Variants in VDR observed in about 807,000 individuals in gnomAD.
VDR encodes the protein vitamin D3 receptor.
Under a neutral mutation model 39.7 loss-of-function variants are expected in VDR, and 19 were observed. That is an observed-to-expected ratio of 0.48 (90% confidence interval 0.33 to 0.70). The LOEUF (loss-of-function observed/expected upper bound fraction) is 0.70. VDR is among the 30% of genes least tolerant of loss of function. VDR has a pLI of 0.02. For synonymous variants in VDR, 242 were observed against 215.8 expected (o/e 1.12, Z -1.07); for missense variants, 442 against 570.5 (o/e 0.77, Z 2.29).
chr12:47,848,921 C>T (rs1310360059), intron 7 of VDR, among the ~76,000 whole-genome samples: 1 of 152,184 alleles, frequency 6.6e-6, no homozygotes, highest in Non-Finnish European at 1.5e-5. Context: ...TCCTCTTAAT[C>T]ACCTTACTGT....
chr12:47,868,594 C>T (rs1945783506), intron 3 of VDR, among the ~76,000 whole-genome samples: 1 of 152,098 alleles, frequency 6.6e-6, no homozygotes, highest in Admixed American at 6.5e-5. Context: ...TACAATTATC[C>T]CCACAGGGAC....
intron 7 of VDR, among the ~76,000 whole-genome samples, chr12:47,850,859 G>GCCCCT (rs1180616242): frequency 6.6e-6 from 1 of 151,716 alleles, no homozygotes; most frequent in Non-Finnish European, 1.5e-5. Flanking sequence ...GCAGAGCCCG[G>GCCCCT]CCCCTCCCCT....
In VDR at chr12:47,859,840, CCCTTCCTTCCTTCCTTCCTTCCTTCTTT is replaced by C. The variant is rs1422606588; in HGVS notation, c.278-2180_278-2153del. On this transcript the variant is annotated intron_variant, in intron 4 of 9. Coordinates refer to ENST00000549336, the MANE Select transcript of VDR (RefSeq NM_000376.3). Reference sequence around the variant, plus strand: ...TTCTTTCTTTTCTCTCCCTTCCTTTCCCTTCCTTCCTTCCTTCCTTCCTTCTTTCCTTCCTTCCTTCCTTCCTTCCTTC... The same window carrying C: ...TTCTTTCTTTTCTCTCCCTTCCTTTCCCTTCCTTCCTTCCTTCCTTCCTTC... 4.4e-3 allele frequency among the ~76,000 whole-genome samples: 610 copies of C among 138,316 alleles called. 13 individuals carry two copies. The highest frequency in any genetic ancestry group is 9.9e-3 in the East Asian group (43 of 4,352). 90.7% of individuals were successfully genotyped at this position (138,316 alleles called of 152,430 possible).
At chr12:47,874,781 T>C (rs1223052604) in intron 3 of VDR, among the ~76,000 whole-genome samples, 3 of 152,204 alleles carry the variant, frequency 2.0e-5, no homozygotes, top group Non-Finnish European at 4.4e-5. Flanking sequence ...CTCTGTCCAT[T>C]ACACCTTTTC....
chr12:47,888,983 C>T (rs1191962426), intron 1 of VDR, among the ~76,000 whole-genome samples: 1 of 152,102 alleles, frequency 6.6e-6, no homozygotes, highest in Non-Finnish European at 1.5e-5. Context: ...TTGATCACTG[C>T]ACATTGTGTA....
chr12:47,882,627 C>CG, intron 2 of VDR, 67 bp downstream of exon 2: 15 of 562,046 alleles, frequency 2.7e-5, no homozygotes, highest in Non-Finnish European at 3.5e-5. Context: ...TCTTATGCCC[C>CG]TCCCCCCCAC....
chr12:47,888,665 T>C (rs1565633220), intron 1 of VDR, among the ~76,000 whole-genome samples: 1 of 152,126 alleles, frequency 6.6e-6, no homozygotes, highest in African/African-American at 2.4e-5. Flanking sequence ...ACTGGCCCAT[T>C]TAGAAGCTGC....
intron 3 of VDR, among the ~76,000 whole-genome samples, chr12:47,873,462 C>T (rs995814286): frequency 5.5e-5 from 8 of 144,618 alleles, no homozygotes; most frequent in Admixed American, 3.5e-4. Context: ...CTGGGGTTCA[C>T]GCCATTCTCC....
In VDR at chr12:47,846,333, A is replaced by C; in HGVS notation, c.1024+2T>G. On this transcript the variant is annotated splice_donor_variant, in intron 9 of 9. Coordinates refer to ENST00000549336, the MANE Select transcript of VDR (RefSeq NM_000376.3). LOFTEE classifies it high-confidence loss of function. Reference sequence around the variant, plus strand: ...TGAGCTCCTCCCTGCCTGGCCCCATACCTGGGGAGACGATGCAGATGGCCA... The same window carrying C: ...TGAGCTCCTCCCTGCCTGGCCCCATCCCTGGGGAGACGATGCAGATGGCCA... 1 of 1,605,784 alleles carries C rather than the reference A, an allele frequency of 6.2e-7. No homozygotes were observed. Among genetic ancestry groups the C allele is most frequent in the Non-Finnish European group, 8.5e-7 (1 of 1,177,148 alleles).
Position 47,844,628 on chromosome 12 carries a change from G to T in VDR, c.*118C>A. ...GGCTGGGTGGATAGGGGAGGTGGCAGAGGAGGGGCTGAACCCCAGACGGGG... is the reference window on the plus strand; with the variant it reads ...GGCTGGGTGGATAGGGGAGGTGGCATAGGAGGGGCTGAACCCCAGACGGGG... On this transcript the variant is annotated 3_prime_UTR_variant, in exon 10 of 10. Coordinates refer to ENST00000549336, the MANE Select transcript of VDR (RefSeq NM_000376.3). The T allele has an allele frequency of 7.1e-7, 1 of 1,413,098 alleles. No homozygotes were observed. The highest frequency in any genetic ancestry group is 9.8e-7 in the Non-Finnish European group (1 of 1,023,340). The allele number at this position is 1,413,098 out of a possible 1,614,324, so 87.5% of individuals were successfully genotyped here.
chr12:47,880,439 A>C (rs1420498617), intron 2 of VDR, among the ~76,000 whole-genome samples: 1 of 152,114 alleles, frequency 6.6e-6, no homozygotes, highest in East Asian at 1.9e-4. Flanking sequence ...CATCCCCTTT[A>C]CAAATGAGGC....
At chr12:47,874,812 G>A (rs1945967685) in intron 3 of VDR, among the ~76,000 whole-genome samples, 2 of 152,040 alleles carry the variant, frequency 1.3e-5, no homozygotes, top group South Asian at 4.1e-4. Flanking sequence ...GACTCCGGAC[G>A]AAGCCATCCA....
At chr12:47,855,253 G>A (rs991162031) in intron 7 of VDR, among the ~76,000 whole-genome samples, 2 of 151,876 alleles carry the variant, frequency 1.3e-5, no homozygotes, top group African/African-American at 4.8e-5. Context: ...ACTTGAACCC[G>A]GGAGGCGGAG....
rs11574051 is a variant in VDR, at chr12:47,878,505, T to C, written c.146+463A>G. Among the ~76,000 whole-genome samples the C allele has an allele frequency of 2.7e-3, 408 of 152,296 alleles. 1 individual carries two copies. Among genetic ancestry groups the C allele is most frequent in the African/African-American group, 9.1e-3 (380 of 41,574 alleles). ...TGGGTGAAGATATGGGTACAGATCG[T>C]GATGACCCGACAAGAGGTGCCATTT... On this transcript the variant is annotated intron_variant, in intron 3 of 9. Coordinates refer to ENST00000549336, the MANE Select transcript of VDR (RefSeq NM_000376.3).
chr12:47,896,522 A>G (rs1273108390), intron 1 of VDR: 1 of 152,240 alleles, frequency 6.6e-6, no homozygotes, highest in African/African-American at 2.4e-5. Flanking sequence ...AGCTCTCCCC[A>G]CAAGCCCTGC....
At chr12:47,887,644 G>A (rs538311066) in intron 1 of VDR, among the ~76,000 whole-genome samples, 1 of 152,362 alleles carries the variant, frequency 6.6e-6, no homozygotes, top group African/African-American at 2.4e-5. Context: ...GCCTGCACCT[G>A]GAGAGAACAG....
intron 3 of VDR, among the ~76,000 whole-genome samples, chr12:47,873,351 CTT>C (rs71077177): frequency 3.0e-4 from 30 of 98,442 alleles, no homozygotes; most frequent in East Asian, 1.3e-3. Context: ...AACCTGTTTT[CTT>C]TTTTTTTTTT....
intron 1 of VDR, among the ~76,000 whole-genome samples, chr12:47,898,164 G>C (rs149622304): frequency 1.3e-5 from 2 of 152,228 alleles, no homozygotes; most frequent in East Asian, 1.9e-4. Context: ...TAGAGGCCCA[G>C]CACAGAGCTC....
chr12:47,867,026 C>A (rs529453206), intron 3 of VDR, among the ~76,000 whole-genome samples: 26 of 141,906 alleles, frequency 1.8e-4, no homozygotes, highest in Non-Finnish European at 2.9e-4. Flanking sequence ...ACAAAAAAAA[C>A]CCAGAAAACT....
Sources: allele counts gnomAD v4.1 joint callset (sites outside exome capture counted in the v4.1 genomes callset), GRCh38; gene constraint gnomAD v4.1.1; transcripts MANE v1.5; gene names NCBI Gene and HGNC (gene_info 2026-07-23, HGNC 2026-07-21).